Variants in SBK1 observed in about 807,000 individuals in gnomAD.
SBK1 encodes serine/threonine-protein kinase SBK1.
In SBK1, 11 loss-of-function variants were observed where a neutral mutation model predicts 24.4. That is an observed-to-expected ratio of 0.45 (90% CI 0.28 to 0.75). The LOEUF (loss-of-function observed/expected upper bound fraction) is 0.75, where lower values mean the gene tolerates loss of function less well. Ranked by LOEUF, SBK1 falls within the 30% of genes least tolerant of loss-of-function variation. The pLI is 0.12. For synonymous variants in SBK1, 308 were observed against 284.4 expected (o/e 1.08, Z -0.83); for missense variants, 467 against 620.5 (o/e 0.75, Z 2.63).
intron 1 of SBK1, among the ~76,000 whole-genome samples, chr16:28,264,314 C>T (rs767515077): frequency 3.9e-4 from 60 of 152,104 alleles, no homozygotes; most frequent in Non-Finnish European, 8.4e-4. Context: ...AGGCTCACGC[C>T]TGTAATCCCA....
At chr16:28,300,021 A>G (rs1196849102) in intron 1 of SBK1, among the ~76,000 whole-genome samples, 1 of 152,066 alleles carries the variant, frequency 6.6e-6, no homozygotes, top group African/African-American at 2.4e-5. Context: ...CCCACCCACA[A>G]TTCCCTTGCC....
chr16:28,303,507 C>CTTTTTTTTTTTTTTT (rs143613970), intron 1 of SBK1, among the ~76,000 whole-genome samples: 107 of 58,110 alleles, frequency 1.8e-3, no homozygotes, highest in East Asian at 6.0e-3. Flanking sequence ...CTTTTCTTTT[C>CTTTTTTTTTTTTTTT]TTTTTTTTTT....
At chr16:28,288,100 C>T (rs895888630), upstream of SBK1, among the ~76,000 whole-genome samples, 8 of 152,010 alleles carry the variant, frequency 5.3e-5, no homozygotes, top group Non-Finnish European at 7.3e-5. Flanking sequence ...AGATCTAACA[C>T]GTGGAAAAGA....
At chr16:28,286,063 T>C (rs1398571502) in intron 1 of SBK1, 2 of 152,262 alleles carry the variant, frequency 1.3e-5, no homozygotes, top group African/African-American at 2.4e-5. Flanking sequence ...CTGCAGAATG[T>C]ACACTCCAAA....
chr16:28,293,659 C>T (rs976242817), intron 1 of SBK1, among the ~76,000 whole-genome samples: 2 of 152,044 alleles, frequency 1.3e-5, no homozygotes, highest in Admixed American at 6.5e-5. Flanking sequence ...CCCTCCCCCA[C>T]GGCCAAGCTG....
intron 2 of SBK1, among the ~76,000 whole-genome samples, chr16:28,318,288 G>A (rs537715012): frequency 1.2e-3 from 190 of 152,344 alleles, no homozygotes; most frequent in Non-Finnish European, 1.3e-3. Flanking sequence ...ACAGCTGCAC[G>A]CGCTTGGGTC....
In SBK1 at chr16:28,292,698, C is replaced by G. The variant is rs2044609254; in HGVS notation, c.-610C>G. On this transcript the variant is annotated 5_prime_UTR_variant, in exon 1 of 4. Transcript: ENST00000341901. ...CCCCCAGCGGCTGAGGGGCTTCCAG[C>G]GCCCGCCGGTGGCCGGGACCCACTA... 1 of 984,220 alleles carries G rather than the reference C, an allele frequency of 1.0e-6. No individual in the cohort carries two copies. Among genetic ancestry groups the G allele is most frequent in the South Asian group, 4.7e-5 (1 of 21,276 alleles). The allele number at this position is 984,220 out of a possible 1,614,324, so 61.0% of individuals were successfully genotyped here.
In SBK1 at chr16:28,292,966, AC is replaced by A. The variant is rs2044612084; in HGVS notation, c.-337del. 1.0e-6 allele frequency: 1 copy of A among 978,548 alleles called. No individual in the cohort carries two copies. The highest frequency in any genetic ancestry group is 1.2e-6 in the Non-Finnish European group (1 of 824,528). The allele number at this position is 978,548 out of a possible 1,614,324, so 60.6% of individuals were successfully genotyped here. A position where few individuals can be genotyped will look rare whatever the true frequency, so the allele number is the denominator to read the frequency against. ...GTGCCCCCAGGCCGGGATTGCGAGA[AC>A]CCCCTCCCAAGATCCGGTCATTACA... On this transcript the variant is annotated 5_prime_UTR_variant, in exon 1 of 4. Transcript: ENST00000341901.
chr16:28,292,812 C>A lies in SBK1; in HGVS notation c.-496C>A. The A allele has an allele frequency of 1.0e-6, 1 of 985,408 alleles. No individual in the cohort carries two copies. The highest frequency in any genetic ancestry group is 1.2e-6 in the Non-Finnish European group (1 of 829,848). The allele number at this position is 985,408 out of a possible 1,614,324, so 61.0% of individuals were successfully genotyped here. On this transcript the variant is annotated 5_prime_UTR_variant, in exon 1 of 4. Transcript: ENST00000341901. The stretch of plus-strand genomic sequence containing the variant: ...GGAAGAGGGGGGGCCCTCCCGGATC[C>A]GACACCGAGCGACTCCCCTGCGGGG...
At chr16:28,298,138 G>A (rs2044653833) in intron 1 of SBK1, among the ~76,000 whole-genome samples, 1 of 152,176 alleles carries the variant, frequency 6.6e-6, no homozygotes, top group African/African-American at 2.4e-5. Flanking sequence ...CCCCTTTCAG[G>A]TCTCAGGAAG....
chr16:28,272,251 A>G (rs1330377401), intron 1 of SBK1, among the ~76,000 whole-genome samples: 4 of 151,922 alleles, frequency 2.6e-5, no homozygotes, highest in African/African-American at 9.7e-5. Context: ...TAAATTTTTT[A>G]TAGGGACAGA....
intron 1 of SBK1, among the ~76,000 whole-genome samples, chr16:28,299,707 G>T (rs1035513784): frequency 6.6e-5 from 10 of 152,148 alleles, no homozygotes; most frequent in African/African-American, 2.4e-4. Context: ...AGTCTGATCG[G>T]GTCAGGTTGA....
At chr16:28,299,662 G>A (rs1263085455) in intron 1 of SBK1, among the ~76,000 whole-genome samples, 3 of 152,104 alleles carry the variant, frequency 2.0e-5, no homozygotes, top group African/African-American at 7.2e-5. Context: ...CAAGAACAGT[G>A]TGCGATGCTG....
chr16:28,274,294 G>T (rs572404509), intron 1 of SBK1, among the ~76,000 whole-genome samples: 20 of 152,314 alleles, frequency 1.3e-4, no homozygotes, highest in African/African-American at 4.6e-4. Flanking sequence ...AATGGTAGGA[G>T]AAATTTGTTG....
At chr16:28,281,711 G>A (rs956972154) in intron 1 of SBK1, among the ~76,000 whole-genome samples, 5 of 152,170 alleles carry the variant, frequency 3.3e-5, no homozygotes, top group Admixed American at 3.3e-4. Flanking sequence ...GTGGTAGCGA[G>A]GTTTAAATGA....
upstream of SBK1, chr16:28,292,454 C>T (rs1596546198): frequency 2.4e-6 from 2 of 827,830 alleles, no homozygotes; most frequent in Non-Finnish European, 2.9e-6. Context: ...GGGCGGGCGG[C>T]GGCGCGCGAG....
intron 1 of SBK1, among the ~76,000 whole-genome samples, chr16:28,264,861 C>T (rs1366333699): frequency 6.6e-6 from 1 of 152,048 alleles, no homozygotes; most frequent in African/African-American, 2.4e-5. Context: ...GAAGGAGCAG[C>T]TGGGAAAGTG....
chr16:28,314,042 A>C (rs2044773493), intron 1 of SBK1, among the ~76,000 whole-genome samples: 1 of 148,496 alleles, frequency 6.7e-6, no homozygotes, highest in Non-Finnish European at 1.5e-5. Flanking sequence ...CCTATGGAGC[A>C]CTTACTGCAT....
At chr16:28,263,435 T>C (rs1273750968) in intron 1 of SBK1, among the ~76,000 whole-genome samples, 2 of 152,116 alleles carry the variant, frequency 1.3e-5, no homozygotes, top group Non-Finnish European at 2.9e-5. Context: ...GAATGAGAAG[T>C]AGCCAGCAGT....
Sources: allele counts gnomAD v4.1 joint callset (sites outside exome capture counted in the v4.1 genomes callset), GRCh38; gene constraint gnomAD v4.1.1; transcripts MANE v1.5; gene names NCBI Gene and HGNC (gene_info 2026-07-23, HGNC 2026-07-21).